The following FBP2 variants were observed in gnomAD, a reference collection of about 807,000 sequenced individuals.
FBP2 encodes the protein fructose-bisphosphatase 2.
In FBP2, 27 loss-of-function variants were observed where a neutral mutation model predicts 31.6. That is an observed-to-expected ratio of 0.85 (90% CI 0.63 to 1.18). FBP2 has a LOEUF of 1.18. FBP2 is among the 50% of genes most tolerant of loss of function. FBP2 has a pLI of 0.00. For missense variants in FBP2, 421 were observed against 436.1 expected (o/e 0.97, Z 0.31); for synonymous variants, 168 against 179.8 (o/e 0.93, Z 0.53).
At chr9:94,586,244 G>GCCAC (rs1827426188) in intron 2 of FBP2, among the ~76,000 whole-genome samples, 1 of 152,034 alleles carries the variant, frequency 6.6e-6, no homozygotes, top group Non-Finnish European at 1.5e-5. Flanking sequence ...GCATGGTGGC[G>GCCAC]CATGCCTGTA....
chr9:94,574,944 CT>C (rs1404954288), intron 3 of FBP2, among the ~76,000 whole-genome samples: 3 of 152,114 alleles, frequency 2.0e-5, no homozygotes, highest in Non-Finnish European at 2.9e-5. Context: ...TTTAGTGCGT[CT>C]TTTTATTTTT....
chr9:94,567,749 G>C (rs2993963), intron 4 of FBP2: 105,500 of 221,836 alleles, frequency 0.48, 26,047 homozygotes, highest in East Asian at 0.62. Context: ...GTTCTCACCC[G>C]CAGATTAATG....
intron 3 of FBP2, among the ~76,000 whole-genome samples, chr9:94,580,787 C>T (rs988560308): frequency 2.0e-5 from 3 of 152,156 alleles, no homozygotes; most frequent in Admixed American, 6.5e-5. Flanking sequence ...AAAAAAGGCC[C>T]TTATCAGGTA....
Position 94,593,607 on chromosome 9 carries a change from C to T in FBP2, c.120G>A (p.Thr40=), listed in dbSNP as rs757142905. 3.1e-6 allele frequency: 5 copies of T among 1,614,060 alleles called. No homozygotes were observed. Among genetic ancestry groups the T allele is most frequent in the Non-Finnish European group, 1.7e-6 (2 of 1,180,038 alleles). ...ELTQLLNSML[T]AIKAISSAVR... ...CAGCCGAGGAGATGGCTTTGATGGC[C>T]GTCAGCATTGAGTTCAGCAGCTGGG... The change falls in exon 1 of 7, where the codon ACG becomes ACA. Residue 40 remains threonine (T), a synonymous_variant. Coordinates refer to ENST00000375337, the MANE Select transcript of FBP2 (RefSeq NM_003837.4).
intron 5 of FBP2, among the ~76,000 whole-genome samples, chr9:94,565,308 G>A (rs1041449933): frequency 1.4e-5 from 2 of 147,628 alleles, no homozygotes; most frequent in Non-Finnish European, 3.0e-5. Context: ...CAGGGAGGCG[G>A]AGGTTGCAGT....
At chr9:94,568,889 A>C (rs1324455264) in intron 4 of FBP2, 1 of 152,148 alleles carries the variant, frequency 6.6e-6, no homozygotes, top group African/African-American at 2.4e-5. Context: ...TCTCTTCCTC[A>C]AATCCTCTTT....
At chr9:94,561,185 C>T (rs1827093540) in intron 6 of FBP2, among the ~76,000 whole-genome samples, 1 of 152,074 alleles carries the variant, frequency 6.6e-6, no homozygotes, top group African/African-American at 2.4e-5. Context: ...CCTGTTGAGT[C>T]AACTACTTTA....
intron 1 of FBP2, among the ~76,000 whole-genome samples, chr9:94,589,062 G>C (rs537606948): frequency 1.3e-5 from 2 of 152,146 alleles, no homozygotes; most frequent in Non-Finnish European, 2.9e-5. Flanking sequence ...CATCTTACTC[G>C]ATGCATTTTC....
In FBP2 at chr9:94,558,945, C is replaced by T; in HGVS notation, c.1013G>A (p.Gly338Asp). ...CATGTGGGGTCAAACTCGCTAGCTG[C>T]CTGCCTGATTTTTCTGCACACAGGT... is the stretch of plus-strand genomic sequence containing the variant. ...YLTCVQKNQA[G>D]S The change falls in exon 7 of 7, where the codon GGC becomes GAC. Residue 338 changes from glycine to aspartate, a missense_variant. Coordinates refer to ENST00000375337, the MANE Select transcript of FBP2 (RefSeq NM_003837.4). 1.2e-6 allele frequency: 2 copies of T among 1,614,026 alleles called. No individual in the cohort carries two copies. The highest frequency in any genetic ancestry group is 1.7e-6 in the Non-Finnish European group (2 of 1,180,008).
intron 5 of FBP2, among the ~76,000 whole-genome samples, chr9:94,564,118 CTA>C (rs1827151090): frequency 5.9e-5 from 9 of 152,220 alleles, no homozygotes; most frequent in Non-Finnish European, 1.5e-5. Flanking sequence ...CGAATCAACA[CTA>C]GACCAAATGG....
Position 94,563,407 on chromosome 9 carries a change from GCACGTCAGCCAC to G in FBP2, c.748_759del (p.Val250_Val253del), listed in dbSNP as rs1564179721. On this transcript the variant is annotated inframe_deletion, in exon 6 of 7. Coordinates refer to ENST00000375337, the MANE Select transcript of FBP2 (RefSeq NM_003837.4). ...ATTCCTCCATAGACCAGGGTGCGGT[GCACGTCAGCCAC>G]CATGGAGCCCACATACCTGGCCCCA... is the stretch of plus-strand genomic sequence containing the variant. 2 of 1,613,996 alleles carry G rather than the reference GCACGTCAGCCAC, an allele frequency of 1.2e-6. No homozygotes were observed. Among genetic ancestry groups the G allele is most frequent in the South Asian group, 2.2e-5 (2 of 91,058 alleles).
intron 3 of FBP2, among the ~76,000 whole-genome samples, chr9:94,578,657 G>A (rs1355780027): frequency 3.9e-5 from 6 of 152,080 alleles, no homozygotes; most frequent in Non-Finnish European, 7.4e-5. Flanking sequence ...CTGACAAACC[G>A]TTCAGGACTT....
chr9:94,580,874 T>G (rs1183448763), intron 3 of FBP2, among the ~76,000 whole-genome samples: 1 of 152,190 alleles, frequency 6.6e-6, no homozygotes, highest in Non-Finnish European at 1.5e-5. Flanking sequence ...AAGAAGGCAT[T>G]GGCTCCTGCC....
intron 3 of FBP2, among the ~76,000 whole-genome samples, chr9:94,572,379 A>T (rs529158722): frequency 2.2e-4 from 33 of 152,216 alleles, no homozygotes; most frequent in Admixed American, 3.9e-4. Flanking sequence ...TAGATTAGTG[A>T]TTCAAACTGG....
At chr9:94,573,346 A>G (rs1827287604) in intron 3 of FBP2, among the ~76,000 whole-genome samples, 1 of 151,764 alleles carries the variant, frequency 6.6e-6, no homozygotes, top group Non-Finnish European at 1.5e-5. Context: ...GCAGCCTCCA[A>G]CTCCTGGGCT....
intron 5 of FBP2, among the ~76,000 whole-genome samples, chr9:94,566,867 T>C (rs1236848185): frequency 2.0e-5 from 3 of 152,240 alleles, no homozygotes; most frequent in Non-Finnish European, 4.4e-5. Context: ...TAATCTCTTT[T>C]AATTTCATTT....
chr9:94,578,910 G>T (rs961541303), intron 3 of FBP2, among the ~76,000 whole-genome samples: 2 of 151,020 alleles, frequency 1.3e-5, no homozygotes, highest in South Asian at 4.2e-4. Context: ...AAAATTAGCT[G>T]GGTGTGGTGG....
At chr9:94,562,037 C>T (rs976387625) in intron 6 of FBP2, among the ~76,000 whole-genome samples, 16 of 152,048 alleles carry the variant, frequency 1.1e-4, no homozygotes, top group Non-Finnish European at 2.1e-4. Flanking sequence ...CTTCGCCGGG[C>T]GCTGTGACTC....
rs551348711 is a variant in FBP2 at position 94,558,791 on chromosome 9, C to T, written c.*147G>A. 24 of 728,354 alleles carry T rather than the reference C, an allele frequency of 3.3e-5. No homozygotes were observed. The highest frequency in any genetic ancestry group is 5.1e-5 in the Non-Finnish European group (22 of 430,864). 45.1% of individuals were successfully genotyped at this position (728,354 alleles called of 1,614,324 possible). A position where few individuals can be genotyped will look rare whatever the true frequency, so the allele number is the denominator to read the frequency against. ...AATCGCCTGTGGCTTCCAAACCTGT[C>T]GTAAGCAGTTTGTTGTTGCTCTTCT... is the stretch of plus-strand genomic sequence containing the variant. On this transcript the variant is annotated 3_prime_UTR_variant, in exon 7 of 7. Transcript: ENST00000375337.
Sources: allele counts gnomAD v4.1 joint callset (sites outside exome capture counted in the v4.1 genomes callset), GRCh38; gene constraint gnomAD v4.1.1; transcripts MANE v1.5; gene names NCBI Gene and HGNC (gene_info 2026-07-23, HGNC 2026-07-21).